Variants in RWDD2B observed in about 807,000 individuals in gnomAD.
RWDD2B encodes RWD domain-containing protein 2B.
A neutral mutation model predicts 33.6 loss-of-function variants in RWDD2B; 36 were observed. The ratio of observed to expected loss-of-function variants is 1.07; its 90% CI spans 0.82 to 1.42. The LOEUF (loss-of-function observed/expected upper bound fraction) is 1.42, where lower values mean the gene tolerates loss of function less well. Among genes scored for constraint, RWDD2B ranks in the 40% most tolerant of loss-of-function variants. The pLI is 0.00. For missense variants in RWDD2B, 364 were observed against 377.5 expected (o/e 0.96, Z 0.30); for synonymous variants, 126 against 133.1 (o/e 0.95, Z 0.37).
intron 1 of RWDD2B, among the ~76,000 whole-genome samples, chr21:29,015,307 T>C (rs1044848982): frequency 6.7e-6 from 1 of 149,510 alleles, no homozygotes; most frequent in Non-Finnish European, 1.5e-5. Flanking sequence ...CTTGGCTTAT[T>C]GCAACCTCCA....
At chr21:29,010,903 C>T (rs1568870049) in intron 1 of RWDD2B, among the ~76,000 whole-genome samples, 1 of 152,206 alleles carries the variant, frequency 6.6e-6, no homozygotes, top group East Asian at 1.9e-4. Flanking sequence ...CTCCTAACCG[C>T]GAGTGATCCG....
rs953080470 is a variant in RWDD2B at position 29,019,250 on chromosome 21, A to T, written c.28T>A (p.Trp10Arg). ...CCCTCACTGCTGTAACCCGGGTTCC[A>T]TGGCTGCATGGACAGCTCAATTTTC... The part of the protein sequence containing the change: MKIELSMQP[W>R]NPGYSSEGAT... The change falls in exon 1 of 5, where the codon TGG (tryptophan) becomes AGG (arginine). Residue 10 changes from tryptophan (W) to arginine (R), a missense_variant. Trp to Arg is a moderately radical substitution (Grantham distance 101). Transcript: ENST00000493196. The T allele has an allele frequency of 1.2e-6, 2 of 1,606,002 alleles. No individual in the cohort carries two copies. Among genetic ancestry groups the T allele is most frequent in the Non-Finnish European group, 1.7e-6 (2 of 1,176,924 alleles).
At chr21:29,012,199 G>A (rs1318204628) in intron 1 of RWDD2B, among the ~76,000 whole-genome samples, 1 of 151,214 alleles carries the variant, frequency 6.6e-6, no homozygotes, top group African/African-American at 2.4e-5. Context: ...GAGGTGAGGG[G>A]CGCCTCTGCC....
chr21:29,007,961 G>A lies in RWDD2B; in HGVS notation c.525C>T (p.Thr175=), dbSNP rs145076755. The change falls in exon 4 of 5, where the codon ACC becomes ACT. Residue 175 remains threonine (T), a synonymous_variant. Coordinates refer to ENST00000493196, the MANE Select transcript of RWDD2B (RefSeq NM_016940.3). The part of the protein sequence containing the change: ...YVSRDTSSSP[T]TGSTVQSVDL... ...CAACTGACTGGACTGTGCTTCCTGT[G>A]GTGGGTGAAGATGAAGTATCTCTGC... 4 of 1,614,214 alleles carry A rather than the reference G, an allele frequency of 2.5e-6. No individual in the cohort carries two copies. The highest frequency in any genetic ancestry group is 2.5e-6 in the Non-Finnish European group (3 of 1,180,042).
intron 1 of RWDD2B, among the ~76,000 whole-genome samples, chr21:29,010,603 G>C: frequency 8.3e-6 from 1 of 120,136 alleles, no homozygotes; most frequent in Non-Finnish European, 1.6e-5. Context: ...GTGAAACTCC[G>C]TCTCAAAAAA....
intron 1 of RWDD2B, among the ~76,000 whole-genome samples, chr21:29,015,553 G>C (rs1285223307): frequency 6.9e-6 from 1 of 145,566 alleles, no homozygotes. Context: ...TTTTGAGATG[G>C]AGTTTTGCTC....
At position 29,008,020 on chromosome 21, in the gene RWDD2B, C is replaced by G; in HGVS notation, c.466G>C (p.Glu156Gln). 1 of 1,614,226 alleles carries G rather than the reference C, an allele frequency of 6.2e-7. No homozygotes were observed. Among genetic ancestry groups the G allele is most frequent in the Non-Finnish European group, 8.5e-7 (1 of 1,180,038 alleles). ...HGDVCILNATEWVREHASGYV... is the reference protein window; with the variant it reads ...HGDVCILNATQWVREHASGYV... ...CCAGAGGCGTGTTCTCTAACCCACTCTGTGGCATTCAGTATACAAACATCT... is the reference window on the plus strand; with the variant it reads ...CCAGAGGCGTGTTCTCTAACCCACTGTGTGGCATTCAGTATACAAACATCT... The change falls in exon 4 of 5, where the codon GAG becomes CAG. Residue 156 changes from glutamate to glutamine, a missense_variant. Transcript: ENST00000493196.
intron 1 of RWDD2B, among the ~76,000 whole-genome samples, chr21:29,018,611 A>C (rs2084900955): frequency 6.6e-6 from 1 of 152,218 alleles, no homozygotes; most frequent in African/African-American, 2.4e-5. Context: ...TTTATCTGCC[A>C]AATTATTTTC....
rs865899199 is a variant in RWDD2B at position 29,005,822 on chromosome 21, G to C, written c.*595C>G. 1 of 152,144 alleles carries C rather than the reference G, an allele frequency of 6.6e-6. No homozygotes were observed. Among genetic ancestry groups the C allele is most frequent in the Non-Finnish European group, 1.5e-5 (1 of 68,100 alleles). 9.4% of individuals were successfully genotyped at this position (152,144 alleles called of 1,614,324 possible). A position where few individuals can be genotyped will look rare whatever the true frequency, so the allele number is the denominator to read the frequency against. On this transcript the variant is annotated 3_prime_UTR_variant, in exon 5 of 5. Coordinates refer to ENST00000493196, the MANE Select transcript of RWDD2B (RefSeq NM_016940.3). ...ACAGGCAATGGCTGGTGTTGGGTCA[G>C]CAGCTCAACAATGTGGCAACTGGCA...
chr21:29,011,464 C>T (rs886209265), intron 1 of RWDD2B, among the ~76,000 whole-genome samples: 3 of 151,636 alleles, frequency 2.0e-5, no homozygotes, highest in Non-Finnish European at 4.4e-5. Flanking sequence ...AGGAGCCCCT[C>T]CGCCCAGCAG....
At chr21:29,008,683 C>T (rs1396591237) in intron 1 of RWDD2B, 62 bp from the exon 2 acceptor site, 7 of 1,053,898 alleles carry the variant, frequency 6.6e-6, no homozygotes, top group Non-Finnish European at 9.8e-6. Flanking sequence ...ATGAATACAT[C>T]AACATGTGTA....
In RWDD2B at chr21:29,006,667, CA is replaced by C; in HGVS notation, c.726-17del. The C allele has an allele frequency of 6.9e-7, 1 of 1,458,406 alleles. No homozygotes were observed. 90.3% of individuals were successfully genotyped at this position (1,458,406 alleles called of 1,614,324 possible). A position where few individuals can be genotyped will look rare whatever the true frequency, so the allele number is the denominator to read the frequency against. On this transcript the variant is annotated splice_polypyrimidine_tract_variant and intron_variant, in intron 4 of 4. Coordinates refer to ENST00000493196, the MANE Select transcript of RWDD2B (RefSeq NM_016940.3). ...TTTTCTGAGTCTGAAAAGAAATTTC[CA>C]AAGTAAACATTTTCAAAATGTATAT...
intron 1 of RWDD2B, chr21:29,009,690 G>C (rs1180756746): frequency 6.6e-6 from 1 of 152,032 alleles, no homozygotes; most frequent in Non-Finnish European, 1.5e-5. Context: ...CACTGCGCCC[G>C]GCCTATTTAT....
At position 29,006,524 on chromosome 21, in the gene RWDD2B, TAACACTG is replaced by T. The variant is rs770677452; in HGVS notation, c.846_852del (p.Phe282LeufsTer18). 2.4e-4 allele frequency: 391 copies of T among 1,613,946 alleles called. 2 individuals carry two copies. Among genetic ancestry groups the T allele is most frequent in the African/African-American group, 1.5e-3 (116 of 75,046 alleles). ...TCCATGTGGTTTCCCCTGGCTCCATTAACACTGAACACTTTTTCTTCAAAAATGGAAA... is the reference window on the plus strand; with the variant it reads ...TCCATGTGGTTTCCCCTGGCTCCATTAACACTTTTTCTTCAAAAATGGAAA... On this transcript the variant is annotated frameshift_variant, in exon 5 of 5. Transcript: ENST00000493196. LOFTEE classifies it high-confidence loss of function.
Position 29,019,328 on chromosome 21 carries a change from C to G in RWDD2B, c.-51G>C. ...ATACTGCGACCCAAAACTTACAAAC[C>G]GCCTCAGCTGGCGACCTACCGGAAA... On this transcript the variant is annotated 5_prime_UTR_variant, in exon 1 of 5. Transcript: ENST00000493196. 7.3e-7 allele frequency: 1 copy of G among 1,366,170 alleles called. No individual in the cohort carries two copies. Among genetic ancestry groups the G allele is most frequent in the Non-Finnish European group, 1.0e-6 (1 of 988,500 alleles). The allele number at this position is 1,366,170 out of a possible 1,614,324, so 84.6% of individuals were successfully genotyped here.
rs1333748938 is a variant in RWDD2B, at chr21:29,008,634, A to C, written c.68-13T>G. ...CATGTGTAAGTTTCTAAGGAGGTAA[A>C]GATAAGAGAGACAATTTACATATGC... On this transcript the variant is annotated splice_polypyrimidine_tract_variant and intron_variant, in intron 1 of 4. Coordinates refer to ENST00000493196, the MANE Select transcript of RWDD2B (RefSeq NM_016940.3). 1 of 1,563,144 alleles carries C rather than the reference A, an allele frequency of 6.4e-7. No homozygotes were observed. The highest frequency in any genetic ancestry group is 8.8e-7 in the Non-Finnish European group (1 of 1,140,830).
Position 29,015,528 on chromosome 21 carries a change from C to CT in RWDD2B, c.67+3682dup, listed in dbSNP as rs1207154307. On this transcript the variant is annotated intron_variant, in intron 1 of 4. Coordinates refer to ENST00000493196, the MANE Select transcript of RWDD2B (RefSeq NM_016940.3). Reference sequence around the variant, plus strand: ...ACAGGTGTGAGCCGCCACACCTAGTCTTTTTTTTTTTTTTTTTTGAGATGG... The same window carrying CT: ...ACAGGTGTGAGCCGCCACACCTAGTCTTTTTTTTTTTTTTTTTTTGAGATGG... Among the ~76,000 whole-genome samples, 917 of 114,668 alleles carry CT rather than the reference C, an allele frequency of 8.0e-3. 13 individuals carry two copies. Among genetic ancestry groups the CT allele is most frequent in the African/African-American group, 0.014 (415 of 30,548 alleles). The allele number at this position is 114,668 out of a possible 152,430, so 75.2% of individuals were successfully genotyped here.
intron 1 of RWDD2B, among the ~76,000 whole-genome samples, chr21:29,017,075 G>A (rs1490819856): frequency 3.3e-5 from 5 of 151,306 alleles, no homozygotes; most frequent in East Asian, 4.0e-4. Context: ...GTTTCACCAC[G>A]TTGGCCAGGC....
At chr21:29,012,134 G>C in intron 1 of RWDD2B, among the ~76,000 whole-genome samples, 1 of 130,980 alleles carries the variant, frequency 7.6e-6, no homozygotes, top group African/African-American at 3.0e-5. Flanking sequence ...TCAGCCCCCC[G>C]CCCGGCCAGC....
Sources: allele counts gnomAD v4.1 joint callset (sites outside exome capture counted in the v4.1 genomes callset), GRCh38; gene constraint gnomAD v4.1.1; transcripts MANE v1.5; gene names NCBI Gene and HGNC (gene_info 2026-07-23, HGNC 2026-07-21).